EYA4: variants seen among roughly 807,000 people sequenced by gnomAD.
EYA4 encodes the protein protein phosphatase EYA4.
A neutral mutation model predicts 87.9 loss-of-function variants in EYA4; 31 were observed. The ratio of observed to expected loss-of-function variants is 0.35; its 90% CI spans 0.27 to 0.48. The LOEUF is 0.48. EYA4 is among the 20% of genes least tolerant of loss of function. EYA4 has a pLI of 0.99. For missense variants in EYA4, 678 were observed against 761.4 expected (o/e 0.89, Z 1.29); for synonymous variants, 263 against 270.6 (o/e 0.97, Z 0.28).
At chr6:133,273,698 A>C (rs748145302) in intron 1 of EYA4, among the ~76,000 whole-genome samples, 1 of 152,224 alleles carries the variant, frequency 6.6e-6, no homozygotes, top group Non-Finnish European at 1.5e-5. Context: ...TTTGAACACT[A>C]GAAATGTACC....
In EYA4 at chr6:133,382,515, G is replaced by A. The variant is rs1005020175; in HGVS notation, c.83+74G>A. On this transcript the variant is annotated intron_variant, in intron 3 of 19. Transcript: ENST00000355286. ...GGAGCACTAGTAAGATGTTATACCT[G>A]AGACACAATTGTGATTTGAAACATT... 28 of 970,152 alleles carry A rather than the reference G, an allele frequency of 2.9e-5. 1 individual carries two copies. The South Asian group carries it at 3.6e-4, about 12-fold the overall frequency. 60.1% of individuals were successfully genotyped at this position (970,152 alleles called of 1,614,324 possible). A position where few individuals can be genotyped will look rare whatever the true frequency, so the allele number is the denominator to read the frequency against.
At chr6:133,266,461 G>T (rs933747465) in intron 1 of EYA4, among the ~76,000 whole-genome samples, 1 of 152,172 alleles carries the variant, frequency 6.6e-6, no homozygotes, top group Non-Finnish European at 1.5e-5. Flanking sequence ...TGTGAGAATA[G>T]ATTTCAGTTC....
intron 3 of EYA4, among the ~76,000 whole-genome samples, chr6:133,443,804 AT>A (rs1792541588): frequency 6.6e-6 from 1 of 151,796 alleles, no homozygotes; most frequent in Non-Finnish European, 1.5e-5. Context: ...GTAGTGTTTA[AT>A]TTTCAAATGT....
chr6:133,512,185 A>G (rs542593941), intron 14 of EYA4, among the ~76,000 whole-genome samples: 15 of 152,328 alleles, frequency 9.8e-5, no homozygotes, highest in Non-Finnish European at 2.1e-4. Flanking sequence ...TCAAAAGACT[A>G]GGACCTTGAA....
intron 2 of EYA4, among the ~76,000 whole-genome samples, chr6:133,367,363 C>A (rs1402398580): frequency 6.6e-6 from 1 of 152,182 alleles, no homozygotes; most frequent in Non-Finnish European, 1.5e-5. Flanking sequence ...GTAAAGGATG[C>A]ACCCCATGAA....
chr6:133,382,256 ATGC>A, intron 2 of EYA4, 133 bp from the exon 3 acceptor site: 1 of 752,470 alleles, frequency 1.3e-6, no homozygotes, highest in Non-Finnish European at 2.5e-6. Context: ...TTAGTACTGT[ATGC>A]TGCTGCTGTA....
At chr6:133,457,678 G>A (rs983550987) in intron 6 of EYA4, among the ~76,000 whole-genome samples, 39 of 152,148 alleles carry the variant, frequency 2.6e-4, no homozygotes, top group Admixed American at 2.5e-3. Context: ...ACTTTGCACA[G>A]AGACTCATAT....
At chr6:133,299,325 T>C (rs1779183588) in intron 2 of EYA4, among the ~76,000 whole-genome samples, 1 of 152,230 alleles carries the variant, frequency 6.6e-6, no homozygotes, top group Non-Finnish European at 1.5e-5. Context: ...TAAAATTCTA[T>C]GTATTTCTTT....
chr6:133,311,427 G>A (rs1033997274), intron 2 of EYA4, among the ~76,000 whole-genome samples: 6 of 151,866 alleles, frequency 4.0e-5, no homozygotes, highest in African/African-American at 1.5e-4. Context: ...CCAGACCCAA[G>A]CAATCCTCCC....
intron 2 of EYA4, among the ~76,000 whole-genome samples, chr6:133,337,469 G>GAGGTCAGA (rs1421959528): frequency 6.6e-6 from 1 of 152,200 alleles, no homozygotes; most frequent in Non-Finnish European, 1.5e-5. Context: ...GTCAGACACA[G>GAGGTCAGA]AGGTCAGAAG....
chr6:133,469,882 A>C (rs896156172), intron 11 of EYA4, among the ~76,000 whole-genome samples: 53 of 152,154 alleles, frequency 3.5e-4, no homozygotes, highest in African/African-American at 1.3e-3. Flanking sequence ...GCTCTTCAAA[A>C]GACACTATTA....
chr6:133,258,287 A>G (rs547163750), intron 1 of EYA4, among the ~76,000 whole-genome samples: 1 of 152,280 alleles, frequency 6.6e-6, no homozygotes, highest in East Asian at 1.9e-4. Flanking sequence ...ATGTCTTTAC[A>G]TTTGGTTCAG....
At chr6:133,303,272 T>G (rs9375955) in intron 2 of EYA4, among the ~76,000 whole-genome samples, 1 of 152,180 alleles carries the variant, frequency 6.6e-6, no homozygotes, top group African/African-American at 2.4e-5. Flanking sequence ...ATTTTATATT[T>G]GGTAGGACTA....
At position 133,342,002 on chromosome 6, in the gene EYA4, A is replaced by G. The variant is rs1782818737; in HGVS notation, c.34-40390A>G. On this transcript the variant is annotated intron_variant, in intron 2 of 19. Transcript: ENST00000355286. ...CTAATGCTGCTGAATTGTCTCATAA[A>G]TATCTTGACAAGTCATTTGAAACAT... 4.6e-5 allele frequency among the ~76,000 whole-genome samples: 7 copies of G among 152,246 alleles called. No homozygotes were observed. The South Asian group carries it at 1.5e-3, about 32-fold the overall frequency.
At chr6:133,349,484 A>T (rs1783467860) in intron 2 of EYA4, among the ~76,000 whole-genome samples, 1 of 152,248 alleles carries the variant, frequency 6.6e-6, no homozygotes, top group Non-Finnish European at 1.5e-5. Flanking sequence ...ATGTATGAAT[A>T]AATGAATGAA....
intron 2 of EYA4, among the ~76,000 whole-genome samples, chr6:133,356,673 AAG>A (rs1490575395): frequency 1.3e-5 from 2 of 150,830 alleles, no homozygotes; most frequent in Admixed American, 6.6e-5. Context: ...GTGAATGTGA[AAG>A]AGTTATGAGC....
In EYA4 at chr6:133,298,327, A is replaced by T. The variant is rs577859220; in HGVS notation, c.33+23514A>T. On this transcript the variant is annotated intron_variant, in intron 2 of 19. Transcript: ENST00000355286. ...TGGAAGCAGCCAATTTTTCTGACGAATCCGGCTTCTTTTGATGAGAAGCGA... is the reference window on the plus strand; with the variant it reads ...TGGAAGCAGCCAATTTTTCTGACGATTCCGGCTTCTTTTGATGAGAAGCGA... 1.7e-4 allele frequency among the ~76,000 whole-genome samples: 26 copies of T among 152,228 alleles called. No individual in the cohort carries two copies. In the East Asian group the frequency reaches 5.0e-3, roughly 29 times the overall value.
chr6:133,435,421 C>T (rs1791565414), intron 3 of EYA4: 1 of 152,468 alleles, frequency 6.6e-6, no homozygotes, highest in Non-Finnish European at 1.5e-5. Flanking sequence ...GGGTCTCCTT[C>T]CTCTTGCGGT....
intron 2 of EYA4, among the ~76,000 whole-genome samples, chr6:133,327,472 A>AAGATAGTC (rs1419506545): frequency 6.6e-6 from 1 of 152,182 alleles, no homozygotes; most frequent in East Asian, 1.9e-4. Context: ...TCAGTGCTCA[A>AAGATAGTC]AGATAGTCAA....
Sources: gnomAD v4.1 joint callset for allele counts (sites outside exome capture counted in the v4.1 genomes callset) on GRCh38, gnomAD v4.1.1 for gene constraint, MANE v1.5 for transcripts, NCBI Gene and HGNC (gene_info 2026-07-23, HGNC 2026-07-21) for gene names.